ESRRG: variants seen among roughly 807,000 people sequenced by gnomAD.
ESRRG encodes estrogen related receptor gamma.
A neutral mutation model predicts 44.0 loss-of-function variants in ESRRG; 13 were observed. The observed-to-expected ratio is 0.30, with a 90% CI of 0.19 to 0.47. The LOEUF is 0.47. Among genes scored for constraint, ESRRG ranks in the 20% least tolerant of loss-of-function variants. The probability of loss-of-function intolerance (pLI) is 1.00; values close to 1 mark genes in which losing one functional copy is unlikely to be tolerated. For missense variants in ESRRG, 395 were observed against 580.6 expected (o/e 0.68, Z 3.29); for synonymous variants, 215 against 214.6 (o/e 1.00, Z -0.02).
At chr1:216,644,334 G>A (rs549925297) in intron 3 of ESRRG, among the ~76,000 whole-genome samples, 2 of 151,844 alleles carry the variant, frequency 1.3e-5, no homozygotes, top group South Asian at 4.2e-4. Flanking sequence ...TTCATACTGT[G>A]TGTATTTTCT....
chr1:216,884,493 C>T (rs2096490643), intron 2 of ESRRG, among the ~76,000 whole-genome samples: 1 of 152,144 alleles, frequency 6.6e-6, no homozygotes, highest in Non-Finnish European at 1.5e-5. Context: ...CCGAAACTTC[C>T]TTAGGCTTCT....
intron 1 of ESRRG, among the ~76,000 whole-genome samples, chr1:217,129,110 C>T (rs142920711): frequency 1.9e-3 from 295 of 152,012 alleles, no homozygotes; most frequent in Middle Eastern, 3.4e-3. Flanking sequence ...ATTTAATATT[C>T]GGAATATATA....
At chr1:216,920,216 G>A (rs752364420) in intron 2 of ESRRG, among the ~76,000 whole-genome samples, 2 of 152,146 alleles carry the variant, frequency 1.3e-5, no homozygotes, top group East Asian at 1.9e-4. Flanking sequence ...GATTGTGGAC[G>A]TAAAGCCTTC....
At chr1:217,086,435 C>T (rs1218055396) in intron 1 of ESRRG, among the ~76,000 whole-genome samples, 4 of 152,190 alleles carry the variant, frequency 2.6e-5, no homozygotes, top group Admixed American at 2.6e-4. Flanking sequence ...CTTGCTCCAT[C>T]ACAAAGTCCT....
intron 2 of ESRRG, among the ~76,000 whole-genome samples, chr1:216,776,653 C>T (rs2093627423): frequency 6.6e-6 from 1 of 152,102 alleles, no homozygotes; most frequent in Non-Finnish European, 1.5e-5. Flanking sequence ...GACAACATTC[C>T]ATAGAACCAT....
chr1:217,133,657 T>TTCTTTCTCTCTCTCTC (rs2093004371), intron 1 of ESRRG, among the ~76,000 whole-genome samples: 3 of 59,138 alleles, frequency 5.1e-5, no homozygotes, highest in African/African-American at 7.6e-5. Context: ...CTTTCTTTCT[T>TTCTTTCTCTCTCTCTC]TCTTTCTTTC....
intron 2 of ESRRG, among the ~76,000 whole-genome samples, chr1:216,789,218 A>G (rs2094231908): frequency 6.6e-6 from 1 of 152,132 alleles, no homozygotes; most frequent in Non-Finnish European, 1.5e-5. Flanking sequence ...TCATGAAAGT[A>G]AGAGTCAATC....
rs1219840086 is a variant in ESRRG, at chr1:216,912,215, G to A, written c.-14+27367C>T. On this transcript the variant is annotated intron_variant, in intron 2 of 7. Transcript: ENST00000359162. ...GGAGAGGAGAGGAGAGGAGAGGAGA[G>A]GAGAGGAGAGGAGAGGAGAGGAGAG... Among the ~76,000 whole-genome samples the A allele has an allele frequency of 2.7e-4, 7 of 26,176 alleles. 1 individual carries two copies. Among genetic ancestry groups the A allele is most frequent in the East Asian group, 4.4e-3 (2 of 456 alleles). The allele number at this position is 26,176 out of a possible 152,430, so 17.2% of individuals were successfully genotyped here.
intron 2 of ESRRG, 27 bp downstream of exon 2, chr1:216,677,049 G>T: frequency 6.3e-7 from 1 of 1,581,224 alleles, no homozygotes; most frequent in Non-Finnish European, 8.7e-7. Context: ...TGGAAGTGGG[G>T]AGAGTATTCC....
intron 2 of ESRRG, among the ~76,000 whole-genome samples, chr1:216,876,600 C>CT (rs970931125): frequency 2.3e-4 from 34 of 148,494 alleles, no homozygotes; most frequent in African/African-American, 5.8e-4. Flanking sequence ...TTTGTCATAC[C>CT]TTTTTTTTTC....
chr1:216,788,059 C>T (rs918801082), intron 2 of ESRRG, among the ~76,000 whole-genome samples: 4 of 152,156 alleles, frequency 2.6e-5, no homozygotes, highest in South Asian at 2.1e-4. Context: ...AGAAAGAAGT[C>T]ATCACCATAA....
intron 3 of ESRRG, among the ~76,000 whole-genome samples, chr1:216,641,845 C>T (rs768197625): frequency 2.0e-5 from 3 of 152,184 alleles, no homozygotes; most frequent in African/African-American, 7.2e-5. Context: ...TGGTCTAATC[C>T]TCACATGATA....
chr1:216,715,224 A>C (rs924183310), intron 1 of ESRRG: 4 of 985,262 alleles, frequency 4.1e-6, no homozygotes, highest in Non-Finnish European at 4.8e-6. Flanking sequence ...TGATCCCATG[A>C]CTGATGAGGC....
At chr1:216,730,305 T>TAAAAAAAAAAAAAAAA (rs11445965) in intron 2 of ESRRG, among the ~76,000 whole-genome samples, 9 of 121,348 alleles carry the variant, frequency 7.4e-5, no homozygotes, top group East Asian at 4.8e-4. Flanking sequence ...CTTAGAAAGG[T>TAAAAAAAAAAAAAAAA]AAAAAAAAAA....
chr1:216,510,380 A>T, intron 6 of ESRRG, among the ~76,000 whole-genome samples: 1 of 152,230 alleles, frequency 6.6e-6, no homozygotes, highest in Admixed American at 6.5e-5. Context: ...ACCTAATAAT[A>T]AAATAGAACT....
intron 5 of ESRRG, among the ~76,000 whole-genome samples, chr1:216,546,847 G>A (rs1456168496): frequency 6.6e-6 from 1 of 151,688 alleles, no homozygotes; most frequent in Non-Finnish European, 1.5e-5. Flanking sequence ...GGATACATGT[G>A]CAGAACGTGC....
At chr1:216,611,028 C>T (rs2060575923) in intron 3 of ESRRG, among the ~76,000 whole-genome samples, 1 of 151,852 alleles carries the variant, frequency 6.6e-6, no homozygotes, top group African/African-American at 2.4e-5. Flanking sequence ...CATGATGAAA[C>T]TCCGTCTCTG....
intron 1 of ESRRG, among the ~76,000 whole-genome samples, chr1:216,984,502 C>T (rs2074541603): frequency 6.6e-6 from 1 of 152,166 alleles, no homozygotes. Context: ...TTGGGGACGA[C>T]ACCTGATAAT....
intron 1 of ESRRG, among the ~76,000 whole-genome samples, chr1:216,991,150 T>C (rs2818771): frequency 0.85 from 129,871 of 152,016 alleles, 55,656 homozygotes; most frequent in East Asian, 1. Flanking sequence ...ATTGAAGTAA[T>C]GCCTGATGAT....
Sources: allele counts gnomAD v4.1 joint callset (sites outside exome capture counted in the v4.1 genomes callset), GRCh38; gene constraint gnomAD v4.1.1; transcripts MANE v1.5; gene names NCBI Gene and HGNC (gene_info 2026-07-23, HGNC 2026-07-21).